The following ZNF223 variants were observed in gnomAD, a reference collection of about 807,000 sequenced individuals.
ZNF223 encodes Homo sapiens zinc finger protein 223.
In ZNF223, 9 loss-of-function variants were observed where a neutral mutation model predicts 12.3. The observed-to-expected ratio is 0.73, with a 90% confidence interval of 0.44 to 1.28. The LOEUF is 1.28. ZNF223 is among the 50% of genes most tolerant of loss of function. ZNF223 has a pLI of 0.00. For missense variants in ZNF223, 506 were observed against 579.0 expected, an observed-to-expected ratio of 0.87 and a Z score of 1.29; for synonymous variants, 171 against 195.2, an observed-to-expected ratio of 0.88 and a Z score of 1.03.
chr19:44,052,433 G>A (rs1449643878), intron 1 of ZNF223, among the ~76,000 whole-genome samples: 2 of 152,124 alleles, frequency 1.3e-5, no homozygotes, highest in East Asian at 3.8e-4. Context: ...TCTTTAAAAT[G>A]GTGCTTATAG....
chr19:44,066,002 A>T (rs954405115), intron 4 of ZNF223, 62 bp from the exon 5 acceptor site: 36 of 1,518,124 alleles, frequency 2.4e-5, no homozygotes, highest in Non-Finnish European at 3.0e-5. Flanking sequence ...CTAAGTGTGA[A>T]CTCTTAAAAA....
intron 4 of ZNF223, among the ~76,000 whole-genome samples, chr19:44,061,848 A>G (rs1226918140): frequency 2.6e-5 from 4 of 152,214 alleles, no homozygotes; most frequent in Non-Finnish European, 5.9e-5. Flanking sequence ...CTGTTAGTTT[A>G]TGCAGGTGTC....
intron 1 of ZNF223, among the ~76,000 whole-genome samples, chr19:44,054,304 T>C (rs1363627001): frequency 2.0e-5 from 3 of 152,108 alleles, no homozygotes; most frequent in Admixed American, 2.0e-4. Flanking sequence ...TCATTGGTGA[T>C]CTCAGCTTTG....
At position 44,067,290 on chromosome 19, in the gene ZNF223, T is replaced by C. The variant is rs771074604; in HGVS notation, c.*13T>C. On this transcript the variant is annotated 3_prime_UTR_variant, in exon 5 of 5. Transcript: ENST00000434772. Reference sequence around the variant, plus strand: ...AAATGACACGTAAGTGTTGTACATATTTATGGGGTACAGTGTGATATTTAA... The same window carrying C: ...AAATGACACGTAAGTGTTGTACATACTTATGGGGTACAGTGTGATATTTAA... 8 of 1,595,930 alleles carry C rather than the reference T, an allele frequency of 5.0e-6. No homozygotes were observed. The East Asian group carries it at 1.4e-4, about 27-fold the overall frequency.
In ZNF223 at chr19:44,066,564, G is replaced by A. The variant is rs768569539; in HGVS notation, c.736G>A (p.Ala246Thr). 6.2e-7 allele frequency: 1 copy of A among 1,614,146 alleles called. No homozygotes were observed. Among genetic ancestry groups the A allele is most frequent in the Admixed American group, 1.7e-5 (1 of 60,018 alleles). The change falls in exon 5 of 5, where the codon GCA becomes ACA. Residue 246 changes from alanine (A) to threonine (T), a missense_variant. Transcript: ENST00000434772. ...QCGRGFRCRS[A>T]LTVHCKLHMG... Reference sequence around the variant, plus strand: ...TGGGAGAGGCTTCAGATGTAGATCAGCACTTACAGTTCATTGCAAATTACA... The same window carrying A: ...TGGGAGAGGCTTCAGATGTAGATCAACACTTACAGTTCATTGCAAATTACA...
chr19:44,055,067 A>G (rs1976747267), intron 1 of ZNF223, 42 bp from the exon 2 acceptor site: 2 of 1,078,538 alleles, frequency 1.9e-6, no homozygotes, highest in East Asian at 2.4e-5. Flanking sequence ...ATCCCTGGCC[A>G]CCCTTTCATG....
chr19:44,054,233 T>C (rs536256286), intron 1 of ZNF223, among the ~76,000 whole-genome samples: 10 of 151,614 alleles, frequency 6.6e-5, no homozygotes, highest in Admixed American at 6.6e-4. Flanking sequence ...GGTACAATGG[T>C]GCAATAGGAT....
At chr19:44,060,384 C>T in intron 2 of ZNF223, 71 bp from the exon 3 acceptor site, 1 of 1,577,618 alleles carries the variant, frequency 6.3e-7, no homozygotes, top group Non-Finnish European at 8.6e-7. Flanking sequence ...TCCTCTTGGC[C>T]TCCTCAATGT....
chr19:44,053,124 C>G (rs1053900246), intron 1 of ZNF223, among the ~76,000 whole-genome samples: 2 of 152,148 alleles, frequency 1.3e-5, no homozygotes, highest in Non-Finnish European at 2.9e-5. Context: ...GGGGGCCTGC[C>G]TCTCCACACC....
intron 4 of ZNF223, among the ~76,000 whole-genome samples, chr19:44,062,216 T>C (rs1041061655): frequency 2.0e-5 from 3 of 152,180 alleles, no homozygotes; most frequent in Non-Finnish European, 4.4e-5. Flanking sequence ...AGGGGTTTGA[T>C]TTCAGGACCC....
In ZNF223 at chr19:44,067,448, T is replaced by C. The variant is rs113378479; in HGVS notation, c.*171T>C. On this transcript the variant is annotated 3_prime_UTR_variant, in exon 5 of 5. Coordinates refer to ENST00000434772, the MANE Select transcript of ZNF223 (RefSeq NM_013361.6). ...TTTGAAAATAAATTGTTGTCGATGATAGTCACCTTTAGTGCTGCAGAACAG... is the reference window on the plus strand; with the variant it reads ...TTTGAAAATAAATTGTTGTCGATGACAGTCACCTTTAGTGCTGCAGAACAG... 2,015 of 813,928 alleles carry C rather than the reference T, an allele frequency of 2.5e-3. 6 individuals are homozygous for C. The highest frequency in any genetic ancestry group is 3.2e-3 in the Non-Finnish European group (1,590 of 497,280). 50.4% of individuals were successfully genotyped at this position (813,928 alleles called of 1,614,324 possible).
At chr19:44,057,573 C>A (rs1360962721) in intron 2 of ZNF223, among the ~76,000 whole-genome samples, 4 of 152,080 alleles carry the variant, frequency 2.6e-5, no homozygotes, top group African/African-American at 9.7e-5. Context: ...CCGTATATTT[C>A]TTTTCTTAAT....
chr19:44,054,250 T>C (rs1444127060), intron 1 of ZNF223, among the ~76,000 whole-genome samples: 1 of 151,986 alleles, frequency 6.6e-6, no homozygotes, highest in Non-Finnish European at 1.5e-5. Flanking sequence ...GGATGCCCTT[T>C]TCATTGTAAC....
rs1976708674 is a variant in ZNF223, at chr19:44,052,141, G to T, written c.-123G>T. 6.5e-6 allele frequency: 1 copy of T among 154,378 alleles called. No homozygotes were observed. The highest frequency in any genetic ancestry group is 1.8e-4 in the South Asian group (1 of 5,608). 9.6% of individuals were successfully genotyped at this position (154,378 alleles called of 1,614,324 possible). A position where few individuals can be genotyped will look rare whatever the true frequency, so the allele number is the denominator to read the frequency against. On this transcript the variant is annotated 5_prime_UTR_variant, in exon 1 of 5. It removes an upstream start codon present in the reference 5' UTR. Transcript: ENST00000434772. ...TGCTTGAGGCTCGCAACCACCCGAT[G>T]ATCGATGATCGTCTCAGGGGAAAAG...
intron 4 of ZNF223, among the ~76,000 whole-genome samples, chr19:44,062,862 A>G (rs1976859707): frequency 6.6e-6 from 1 of 152,148 alleles, no homozygotes. Flanking sequence ...TCCTTCCCTT[A>G]GAGGGGGAAG....
At chr19:44,065,583 T>C (rs926527226) in intron 4 of ZNF223, among the ~76,000 whole-genome samples, 7 of 148,224 alleles carry the variant, frequency 4.7e-5, no homozygotes, top group African/African-American at 9.8e-5. Flanking sequence ...TTTTCTTTTT[T>C]TTTTTTTTTT....
chr19:44,064,195 A>G (rs1976876225), intron 4 of ZNF223, among the ~76,000 whole-genome samples: 1 of 152,120 alleles, frequency 6.6e-6, no homozygotes, highest in Non-Finnish European at 1.5e-5. Flanking sequence ...GCTCCTTTCT[A>G]TAAATGTCTA....
At chr19:44,060,391 A>G (rs1027413209) in intron 2 of ZNF223, 64 bp from the exon 3 acceptor site, 38 of 1,595,164 alleles carry the variant, frequency 2.4e-5, no homozygotes, top group Middle Eastern at 3.4e-4. Context: ...GGCCTCCTCA[A>G]TGTTCCTTCT....
chr19:44,066,993 T>C lies in ZNF223; in HGVS notation c.1165T>C (p.Leu389=). 6.2e-7 allele frequency: 1 copy of C among 1,612,984 alleles called. No homozygotes were observed. Among genetic ancestry groups the C allele is most frequent in the South Asian group, 1.1e-5 (1 of 91,022 alleles). The change falls in exon 5 of 5, where the codon TTG becomes CTG. Residue 389 remains leucine, a synonymous_variant. Coordinates refer to ENST00000434772, the MANE Select transcript of ZNF223 (RefSeq NM_013361.6). The part of the protein sequence containing the change: ...KSYITKSGLD[L]HHRAHTGERP... Reference sequence around the variant, plus strand: ...CTACATTACTAAGTCAGGTCTTGACTTGCACCATAGAGCCCACACAGGAGA... The same window carrying C: ...CTACATTACTAAGTCAGGTCTTGACCTGCACCATAGAGCCCACACAGGAGA...
Sources: gnomAD v4.1 joint callset for allele counts (sites outside exome capture counted in the v4.1 genomes callset) on GRCh38, gnomAD v4.1.1 for gene constraint, MANE v1.5 for transcripts, NCBI Gene and HGNC (gene_info 2026-07-23, HGNC 2026-07-21) for gene names.